KAT6B: variants seen among roughly 807,000 people sequenced by gnomAD.
The protein encoded by KAT6B is lysine acetyltransferase 6B.
A neutral mutation model predicts 187.5 loss-of-function variants in KAT6B; 10 were observed. The observed-to-expected ratio is 0.05, with a 90% CI of 0.03 to 0.09. The LOEUF (loss-of-function observed/expected upper bound fraction) is 0.09. KAT6B is among the 10% of genes least tolerant of loss of function. KAT6B has a pLI of 1.00. For synonymous variants in KAT6B, 861 were observed against 926.8 expected (o/e 0.93, Z 1.29); for missense variants, 1,952 against 2,558.9 (o/e 0.76, Z 5.12).
At chr10:74,907,572 G>C (rs2132855752) in intron 3 of KAT6B, among the ~76,000 whole-genome samples, 1 of 151,960 alleles carries the variant, frequency 6.6e-6, no homozygotes, top group East Asian at 1.9e-4. Flanking sequence ...TGTTGCCCAG[G>C]CTGGAGTGCA....
intron 3 of KAT6B, among the ~76,000 whole-genome samples, chr10:74,941,600 C>T (rs767592650): frequency 6.6e-6 from 1 of 152,002 alleles, no homozygotes; most frequent in Non-Finnish European, 1.5e-5. Flanking sequence ...CCCAAATTAC[C>T]ACCAACACAC....
rs999922588 is a variant in KAT6B at position 74,882,642 on chromosome 10, A to G, written c.621+39164A>G. On this transcript the variant is annotated intron_variant, in intron 3 of 17. Coordinates refer to ENST00000287239, the MANE Select transcript of KAT6B (RefSeq NM_012330.4). ...ATTTGTGGTTTTTAAAGGTATGTCAATAGAGATGCTGTAGCCAGCATGGCT... is the reference window on the plus strand; with the variant it reads ...ATTTGTGGTTTTTAAAGGTATGTCAGTAGAGATGCTGTAGCCAGCATGGCT... Among the ~76,000 whole-genome samples the G allele has an allele frequency of 5.9e-5, 9 of 152,230 alleles. 1 individual carries two copies. Among genetic ancestry groups the G allele is most frequent in the Admixed American group, 3.9e-4 (6 of 15,286 alleles).
intron 13 of KAT6B, among the ~76,000 whole-genome samples, chr10:75,013,149 G>A (rs1342984589): frequency 6.6e-6 from 1 of 152,120 alleles, no homozygotes; most frequent in South Asian, 2.1e-4. Flanking sequence ...GAGTCTTGTT[G>A]AATATTTGAG....
intron 13 of KAT6B, among the ~76,000 whole-genome samples, chr10:75,004,487 G>A (rs927857358): frequency 6.6e-6 from 1 of 152,108 alleles, no homozygotes; most frequent in Admixed American, 6.5e-5. Context: ...CAGCAAACAT[G>A]CTTTAAATAC....
intron 7 of KAT6B, among the ~76,000 whole-genome samples, chr10:74,973,595 CT>C (rs984984819): frequency 2.7e-4 from 41 of 152,226 alleles, no homozygotes; most frequent in African/African-American, 9.6e-4. Flanking sequence ...GCTGCTCTCA[CT>C]ATCTTATTTG....
At chr10:74,961,051 A>G (rs1412852732) in intron 4 of KAT6B, among the ~76,000 whole-genome samples, 1 of 152,158 alleles carries the variant, frequency 6.6e-6, no homozygotes, top group East Asian at 1.9e-4. Flanking sequence ...GGTGCTGACT[A>G]GAAGGGAGAG....
At chr10:75,011,541 C>T (rs370913561) in intron 13 of KAT6B, among the ~76,000 whole-genome samples, 38 of 152,288 alleles carry the variant, frequency 2.5e-4, no homozygotes, top group African/African-American at 8.9e-4. Flanking sequence ...GCTATTCTTA[C>T]ATCAACATAT....
chr10:74,976,750 C>G, intron 8 of KAT6B: 1 of 302,392 alleles, frequency 3.3e-6, no homozygotes, highest in South Asian at 3.2e-5. Flanking sequence ...TCCCTCTGCT[C>G]CATTGCTTTC....
At chr10:74,994,696 GA>G (rs1843318542) in intron 13 of KAT6B, among the ~76,000 whole-genome samples, 1 of 151,782 alleles carries the variant, frequency 6.6e-6, no homozygotes, top group Non-Finnish European at 1.5e-5. Context: ...CTGAGGCAGA[GA>G]ATTGCTTGAA....
intron 11 of KAT6B, chr10:74,984,188 GGAA>G (rs1271187718): frequency 6.6e-6 from 1 of 152,156 alleles, no homozygotes; most frequent in Non-Finnish European, 1.5e-5. Flanking sequence ...TCCATCCGAG[GGAA>G]ATAGTTATAT....
intron 3 of KAT6B, among the ~76,000 whole-genome samples, chr10:74,918,225 A>G (rs11001201): frequency 3.9e-5 from 6 of 152,184 alleles, no homozygotes; most frequent in Admixed American, 6.5e-5. Flanking sequence ...TTGGGCACCT[A>G]TTATATGGCA....
At chr10:74,947,011 T>G (rs1839996561) in intron 3 of KAT6B, among the ~76,000 whole-genome samples, 2 of 151,866 alleles carry the variant, frequency 1.3e-5, no homozygotes, top group Admixed American at 6.6e-5. Context: ...TTATATTTGG[T>G]TTTTTTTGAG....
chr10:74,859,029 G>A (rs1484577372), intron 3 of KAT6B, among the ~76,000 whole-genome samples: 8 of 152,152 alleles, frequency 5.3e-5, no homozygotes, highest in Admixed American at 3.3e-4. Flanking sequence ...AAGCCAGTGT[G>A]CCCTGCCTTT....
At chr10:74,965,358 C>T (rs1398035821) in intron 4 of KAT6B, among the ~76,000 whole-genome samples, 1 of 152,188 alleles carries the variant, frequency 6.6e-6, no homozygotes, top group African/African-American at 2.4e-5. Flanking sequence ...CCCTAAGCCA[C>T]CCCATTGTAA....
At chr10:74,969,171 G>A (rs563882622) in intron 4 of KAT6B, among the ~76,000 whole-genome samples, 2 of 152,290 alleles carry the variant, frequency 1.3e-5, no homozygotes, top group South Asian at 4.1e-4. Context: ...GATTTGGGTG[G>A]GGGAGGGCAT....
chr10:74,841,315 A>G (rs187652397), intron 2 of KAT6B, among the ~76,000 whole-genome samples: 5 of 152,292 alleles, frequency 3.3e-5, no homozygotes, highest in Non-Finnish European at 5.9e-5. Context: ...GCTTACACCT[A>G]TAATCCTAGC....
At chr10:75,003,323 T>A (rs990530057) in intron 13 of KAT6B, 2 of 152,246 alleles carry the variant, frequency 1.3e-5, no homozygotes, top group Admixed American at 6.5e-5. Context: ...AATACCAGCT[T>A]TAGCCATAAG....
In KAT6B at chr10:75,031,712, G is replaced by A. The variant is rs1846326676; in HGVS notation, c.*666G>A. On this transcript the variant is annotated 3_prime_UTR_variant, in exon 18 of 18. Coordinates refer to ENST00000287239, the MANE Select transcript of KAT6B (RefSeq NM_012330.4). ...AAAGGGTTTTATTGCTAAATGTTTG[G>A]TGTAAAGTTGAGACCCTTTTCCATT... The A allele has an allele frequency of 4.8e-6, 1 of 210,312 alleles. No homozygotes were observed. Among genetic ancestry groups the A allele is most frequent in the South Asian group, 1.9e-4 (1 of 5,322 alleles). The allele number at this position is 210,312 out of a possible 1,614,324, so 13.0% of individuals were successfully genotyped here.
intron 13 of KAT6B, among the ~76,000 whole-genome samples, chr10:74,995,483 T>C (rs1325572504): frequency 6.6e-6 from 1 of 152,228 alleles, no homozygotes; most frequent in Non-Finnish European, 1.5e-5. Flanking sequence ...CATCCTTTCC[T>C]GCAGGTCTCC....
Sources: gnomAD v4.1 joint callset for allele counts (sites outside exome capture counted in the v4.1 genomes callset) on GRCh38, gnomAD v4.1.1 for gene constraint, MANE v1.5 for transcripts, NCBI Gene and HGNC (gene_info 2026-07-23, HGNC 2026-07-21) for gene names.